FAM168A: variants seen among roughly 807,000 people sequenced by gnomAD.
The protein encoded by FAM168A is family with sequence similarity 168 member A.
In FAM168A, 3 loss-of-function variants were observed where a neutral mutation model predicts 28.5. The ratio of observed to expected loss-of-function variants is 0.11; its 90% CI spans 0.05 to 0.27. The LOEUF is 0.27. Ranked by LOEUF, FAM168A falls within the 10% of genes least tolerant of loss-of-function variation. The pLI is 1.00. For missense variants in FAM168A, 222 were observed against 311.5 expected (o/e 0.71, Z 2.16); for synonymous variants, 122 against 124.2 (o/e 0.98, Z 0.12).
chr11:73,422,631 T>G (rs1866812873), intron 3 of FAM168A, among the ~76,000 whole-genome samples: 1 of 152,246 alleles, frequency 6.6e-6, no homozygotes, highest in African/African-American at 2.4e-5. Context: ...ATGCCTGCCT[T>G]TGGGTGCTTG....
intron 2 of FAM168A, among the ~76,000 whole-genome samples, chr11:73,439,018 C>T (rs1232470184): frequency 2.0e-5 from 3 of 150,298 alleles, no homozygotes; most frequent in African/African-American, 4.9e-5. Context: ...AATCTGTTAG[C>T]TCCAGAAAAA....
intron 1 of FAM168A, among the ~76,000 whole-genome samples, chr11:73,555,569 G>A (rs1005940151): frequency 5.3e-5 from 8 of 151,928 alleles, no homozygotes; most frequent in African/African-American, 1.2e-4. Flanking sequence ...TTAACTGGGC[G>A]TGGTCATGGG....
chr11:73,593,084 TA>T (rs1207064838), intron 1 of FAM168A, among the ~76,000 whole-genome samples: 6 of 152,066 alleles, frequency 3.9e-5, no homozygotes, highest in African/African-American at 1.4e-4. Context: ...GTTGCAAAGG[TA>T]AAAAATATAC....
intron 1 of FAM168A, among the ~76,000 whole-genome samples, chr11:73,546,447 T>C (rs1350986773): frequency 6.6e-6 from 1 of 152,178 alleles, no homozygotes; most frequent in Non-Finnish European, 1.5e-5. Context: ...AAGCTAGCTG[T>C]TGGGCTGGGC....
chr11:73,582,129 T>C (rs896562358), intron 1 of FAM168A, among the ~76,000 whole-genome samples: 4 of 152,174 alleles, frequency 2.6e-5, no homozygotes, highest in African/African-American at 9.7e-5. Flanking sequence ...GAGGCTGATA[T>C]CCATGTTGAC....
chr11:73,473,670 C>A (rs1243041608), intron 1 of FAM168A, among the ~76,000 whole-genome samples: 1 of 152,158 alleles, frequency 6.6e-6, no homozygotes, highest in Non-Finnish European at 1.5e-5. Context: ...CTAGAATGCC[C>A]TTTTCCCCAG....
chr11:73,519,834 T>A (rs889729095), intron 1 of FAM168A, among the ~76,000 whole-genome samples: 7 of 146,122 alleles, frequency 4.8e-5, no homozygotes, highest in Admixed American at 2.7e-4. Context: ...ATATGTATAT[T>A]TTTTTTTTCA....
intron 1 of FAM168A, among the ~76,000 whole-genome samples, chr11:73,514,765 T>A (rs1943277740): frequency 6.6e-6 from 1 of 152,034 alleles, no homozygotes; most frequent in South Asian, 2.1e-4. Flanking sequence ...CCCAGGAGGT[T>A]GAGGCTACAG....
intron 1 of FAM168A, among the ~76,000 whole-genome samples, chr11:73,594,675 C>T (rs1944423964): frequency 1.3e-5 from 2 of 152,170 alleles, no homozygotes; most frequent in African/African-American, 4.8e-5. Flanking sequence ...GCTGGGATTA[C>T]AGGCACGTGC....
At chr11:73,588,451 GA>G (rs1944342046) in intron 1 of FAM168A, among the ~76,000 whole-genome samples, 1 of 152,170 alleles carries the variant, frequency 6.6e-6, no homozygotes, top group Non-Finnish European at 1.5e-5. Flanking sequence ...AGCACTTTGG[GA>G]GGCTGGGTCA....
At position 73,594,449 on chromosome 11, in the gene FAM168A, A is replaced by T. The variant is rs1366064715; in HGVS notation, c.-19+3474T>A. 1.8e-4 allele frequency among the ~76,000 whole-genome samples: 27 copies of T among 151,724 alleles called. 1 individual carries two copies. The highest frequency in any genetic ancestry group is 1.8e-3 in the Admixed American group (27 of 15,222). Reference sequence around the variant, plus strand: ...TTGTGTGTGTATTTTTACCTTTTTAACCAAAGTTAAGTGTACAATTCAGTG... The same window carrying T: ...TTGTGTGTGTATTTTTACCTTTTTATCCAAAGTTAAGTGTACAATTCAGTG... On this transcript the variant is annotated intron_variant, in intron 1 of 7. Transcript: ENST00000356467.
intron 2 of FAM168A, among the ~76,000 whole-genome samples, chr11:73,461,365 C>T (rs968198502): frequency 6.6e-6 from 1 of 152,062 alleles, no homozygotes; most frequent in African/African-American, 2.4e-5. Flanking sequence ...AGATCCTCCC[C>T]CATCAGCCTC....
At chr11:73,565,292 T>C (rs1259826980) in intron 1 of FAM168A, among the ~76,000 whole-genome samples, 1 of 152,198 alleles carries the variant, frequency 6.6e-6, no homozygotes, top group East Asian at 1.9e-4. Flanking sequence ...CTTTCCACTA[T>C]ATGCGTAACG....
At chr11:73,586,918 T>C (rs1472827808) in intron 1 of FAM168A, among the ~76,000 whole-genome samples, 8 of 152,140 alleles carry the variant, frequency 5.3e-5, no homozygotes, top group Non-Finnish European at 2.9e-5. Flanking sequence ...ATTGTGAAAC[T>C]GTTCAACTCT....
intron 2 of FAM168A, among the ~76,000 whole-genome samples, chr11:73,460,150 G>A (rs1867618528): frequency 6.6e-6 from 1 of 151,950 alleles, no homozygotes; most frequent in Admixed American, 6.6e-5. Context: ...AAAGTGCTGG[G>A]ATTACAGGCG....
At chr11:73,454,835 T>C (rs1349917452) in intron 2 of FAM168A, among the ~76,000 whole-genome samples, 2 of 152,172 alleles carry the variant, frequency 1.3e-5, no homozygotes, top group African/African-American at 4.8e-5. Flanking sequence ...CCGTCCCCTT[T>C]TCAGCCCCTC....
intron 1 of FAM168A, among the ~76,000 whole-genome samples, chr11:73,544,899 T>C (rs1395780773): frequency 1.1e-5 from 1 of 90,838 alleles, no homozygotes; most frequent in African/African-American, 5.3e-5. Context: ...ATATAAAATA[T>C]ATTATATAAT....
At chr11:73,544,862 T>A (rs1407367499) in intron 1 of FAM168A, among the ~76,000 whole-genome samples, 6 of 96,910 alleles carry the variant, frequency 6.2e-5, no homozygotes, top group African/African-American at 2.4e-4. Context: ...TAATATATAA[T>A]ATATAATTAT....
intron 2 of FAM168A, among the ~76,000 whole-genome samples, chr11:73,441,945 T>C (rs532646189): frequency 1.3e-5 from 2 of 152,282 alleles, no homozygotes; most frequent in East Asian, 3.8e-4. Context: ...TTTGTTGATT[T>C]TGCCAGTCTT....
Sources: allele counts gnomAD v4.1 joint callset (sites outside exome capture counted in the v4.1 genomes callset), GRCh38; gene constraint gnomAD v4.1.1; transcripts MANE v1.5; gene names NCBI Gene and HGNC (gene_info 2026-07-23, HGNC 2026-07-21).